Variants in GPC3 observed in about 807,000 individuals in gnomAD.
The protein encoded by GPC3 is glypican 3.
Under a neutral mutation model 34.4 loss-of-function variants are expected in GPC3, and 3 were observed. The ratio of observed to expected loss-of-function variants is 0.09; its 90% confidence interval spans 0.04 to 0.23. GPC3 has a LOEUF of 0.23. GPC3 is among the 10% of genes least tolerant of loss of function. The probability of loss-of-function intolerance (pLI) is 1.00; values close to 1 mark genes in which losing one functional copy is unlikely to be tolerated. For missense variants in GPC3, 351 were observed against 445.6 expected (o/e 0.79, Z 1.91); for synonymous variants, 177 against 174.0 (o/e 1.02, Z -0.13).
intron 2 of GPC3, among the ~76,000 whole-genome samples, chrX:133,913,648 C>T (rs1206394704): frequency 8.9e-6 from 1 of 111,992 alleles, no homozygotes; most frequent in Non-Finnish European, 1.9e-5. Flanking sequence ...GGGAAAAACA[C>T]ATTCCTCCTC....
At chrX:133,671,010 A>T in intron 5 of GPC3, 1 of 539,827 alleles carries the variant, frequency 1.9e-6, no homozygotes, top group Non-Finnish European at 3.3e-6. Flanking sequence ...AAAGTTCATG[A>T]CCAACCGACT....
chrX:133,789,717 C>T (rs1569433061), intron 2 of GPC3, among the ~76,000 whole-genome samples: 1 of 112,318 alleles, frequency 8.9e-6, no homozygotes. Context: ...GAGACACATA[C>T]AAAAATGCTT....
intron 1 of GPC3, among the ~76,000 whole-genome samples, chrX:133,961,400 T>C (rs1181883037): frequency 8.9e-6 from 1 of 111,755 alleles, no homozygotes; most frequent in East Asian, 2.8e-4. Flanking sequence ...CCTTTATCTC[T>C]ACTGCCAACT....
intron 2 of GPC3, among the ~76,000 whole-genome samples, chrX:133,854,421 A>AG (rs1329268377): frequency 8.9e-6 from 1 of 111,930 alleles, no homozygotes; most frequent in Non-Finnish European, 1.9e-5. Flanking sequence ...ACACTGTGTT[A>AG]GGCAATAGGC....
At chrX:133,622,725 C>T (rs1187595743) in intron 6 of GPC3, among the ~76,000 whole-genome samples, 1 of 111,871 alleles carries the variant, frequency 8.9e-6, no homozygotes, top group African/African-American at 3.3e-5. Flanking sequence ...AGAATGGAAC[C>T]AAGTTGGAAA....
intron 2 of GPC3, among the ~76,000 whole-genome samples, chrX:133,925,447 A>G (rs1474273589): frequency 8.9e-6 from 1 of 111,852 alleles, no homozygotes; most frequent in Non-Finnish European, 1.9e-5. Flanking sequence ...ACTGAAAAGG[A>G]AGTCTCTAAT....
chrX:133,616,425 T>C (rs749278923), intron 6 of GPC3, among the ~76,000 whole-genome samples: 1 of 111,523 alleles, frequency 9.0e-6, no homozygotes, highest in Non-Finnish European at 1.9e-5. Flanking sequence ...GAAGCCTCAG[T>C]AGTATGATGG....
At chrX:133,768,171 G>A (rs912811614) in intron 2 of GPC3, among the ~76,000 whole-genome samples, 4 of 110,848 alleles carry the variant, frequency 3.6e-5, no homozygotes, top group Admixed American at 2.9e-4. Context: ...ATAAATTCTG[G>A]ATGCATCTCC....
chrX:133,836,993 C>T (rs1434145877), intron 2 of GPC3, among the ~76,000 whole-genome samples: 6 of 111,327 alleles, frequency 5.4e-5, no homozygotes, highest in Admixed American at 9.6e-5. Flanking sequence ...TCTTACTCTG[C>T]GGGGAAAAAA....
chrX:133,927,028 AT>A (rs1414233283), intron 2 of GPC3, among the ~76,000 whole-genome samples: 1 of 110,915 alleles, frequency 9.0e-6, no homozygotes, highest in African/African-American at 3.3e-5. Flanking sequence ...CTTTCTGCAC[AT>A]TGGGAGGCAG....
At chrX:133,881,853 T>C (rs895362100) in intron 2 of GPC3, among the ~76,000 whole-genome samples, 14 of 112,666 alleles carry the variant, frequency 1.2e-4, no homozygotes, top group Non-Finnish European at 9.4e-5. Flanking sequence ...TAAAAAACTC[T>C]TCCCCAAGTT....
At chrX:133,647,589 A>T (rs2070557333) in intron 6 of GPC3, among the ~76,000 whole-genome samples, 1 of 112,526 alleles carries the variant, frequency 8.9e-6, no homozygotes, top group Non-Finnish European at 1.9e-5. Context: ...GGAGTTGATA[A>T]CAAACAGGAA....
chrX:133,586,838 CAT>C (rs772853133), intron 7 of GPC3, among the ~76,000 whole-genome samples: 4 of 111,320 alleles, frequency 3.6e-5, no homozygotes, highest in African/African-American at 9.8e-5. Flanking sequence ...TTTTAACTGA[CAT>C]GTAATAATTG....
At chrX:133,823,085 C>T (rs1415377983) in intron 2 of GPC3, among the ~76,000 whole-genome samples, 6 of 85,732 alleles carry the variant, frequency 7.0e-5, no homozygotes, top group African/African-American at 9.0e-5. Flanking sequence ...GCCAAGATCA[C>T]GCCATTGCCC....
At chrX:133,564,196 G>A (rs1264499047) in intron 7 of GPC3, among the ~76,000 whole-genome samples, 3 of 111,001 alleles carry the variant, frequency 2.7e-5, no homozygotes, top group African/African-American at 9.8e-5. Context: ...CTTCTATCTG[G>A]GACAAAAATT....
chrX:133,568,688 T>C (rs960218139), intron 7 of GPC3, among the ~76,000 whole-genome samples: 1 of 110,654 alleles, frequency 9.0e-6, no homozygotes, highest in African/African-American at 3.3e-5. Context: ...GGAAGGAGCA[T>C]TTAAACTGAG....
intron 2 of GPC3, among the ~76,000 whole-genome samples, chrX:133,946,977 T>C (rs1024989650): frequency 1.7e-4 from 19 of 111,375 alleles, no homozygotes; most frequent in African/African-American, 5.6e-4. Flanking sequence ...TAGAGGGAAA[T>C]TGTTTCTACC....
intron 2 of GPC3, among the ~76,000 whole-genome samples, chrX:133,874,497 C>T (rs2076007145): frequency 9.0e-6 from 1 of 111,714 alleles, no homozygotes; most frequent in African/African-American, 3.3e-5. Flanking sequence ...ATGATGATCC[C>T]TTCCATATTT....
chrX:133,977,043 G>A (rs2124650168), intron 1 of GPC3, among the ~76,000 whole-genome samples: 1 of 111,928 alleles, frequency 8.9e-6, no homozygotes, highest in South Asian at 3.7e-4. Context: ...TGTCTCTGCT[G>A]CAAATTAGTT....
Sources: allele counts gnomAD v4.1 joint callset (sites outside exome capture counted in the v4.1 genomes callset), GRCh38; gene constraint gnomAD v4.1.1; transcripts MANE v1.5; gene names NCBI Gene and HGNC (gene_info 2026-07-23, HGNC 2026-07-21).